SLC35A3: variants seen among roughly 807,000 people sequenced by gnomAD.
The protein encoded by SLC35A3 is UDP-N-acetylglucosamine transporter.
A neutral mutation model predicts 39.0 loss-of-function variants in SLC35A3; 26 were observed. The observed-to-expected ratio is 0.67, with a 90% CI of 0.49 to 0.92. The LOEUF (loss-of-function observed/expected upper bound fraction) is 0.92. SLC35A3 is among the 40% of genes least tolerant of loss of function. The pLI is 0.00. For missense variants in SLC35A3, 299 were observed against 371.6 expected, an observed-to-expected ratio of 0.80 and a Z score of 1.61; for synonymous variants, 135 against 133.1, an observed-to-expected ratio of 1.01 and a Z score of -0.10.
intron 5 of SLC35A3, 119 bp from the exon 6 acceptor site, chr1:100,015,179 AAAGT>A (rs1331272867): frequency 5.3e-5 from 47 of 884,078 alleles, no homozygotes; most frequent in Non-Finnish European, 5.8e-5. Context: ...AAAAAAAAAG[AAAGT>A]AATCTAATTT....
chr1:99,986,011 A>G (rs767987482), intron 1 of SLC35A3, among the ~76,000 whole-genome samples: 1 of 152,164 alleles, frequency 6.6e-6, no homozygotes, highest in Non-Finnish European at 1.5e-5. Flanking sequence ...TCATATTATC[A>G]GCAAACAGCC....
chr1:100,005,163 A>T (rs1056689833), intron 3 of SLC35A3, among the ~76,000 whole-genome samples: 2 of 152,022 alleles, frequency 1.3e-5, no homozygotes, highest in African/African-American at 4.8e-5. Context: ...CCTGGCCTAT[A>T]ATGTTTCTCT....
At chr1:100,021,022 G>C (rs1310089044) in intron 7 of SLC35A3, among the ~76,000 whole-genome samples, 1 of 152,114 alleles carries the variant, frequency 6.6e-6, no homozygotes, top group African/African-American at 2.4e-5. Flanking sequence ...CAGGAGCATG[G>C]CTTTGGACTA....
chr1:99,977,334 A>G (rs910793052), intron 1 of SLC35A3, among the ~76,000 whole-genome samples: 3 of 147,162 alleles, frequency 2.0e-5, no homozygotes, highest in Non-Finnish European at 3.0e-5. Context: ...CCTGACGAAC[A>G]TCGCGAAACT....
intron 1 of SLC35A3, among the ~76,000 whole-genome samples, chr1:99,972,246 A>G (rs1325467184): frequency 6.7e-5 from 10 of 150,100 alleles, no homozygotes; most frequent in Admixed American, 5.3e-4. Flanking sequence ...ATCTTACAAC[A>G]CTTGTTAAAT....
At chr1:99,994,209 A>G (rs1312749819) in intron 2 of SLC35A3, among the ~76,000 whole-genome samples, 1 of 152,136 alleles carries the variant, frequency 6.6e-6, no homozygotes, top group Non-Finnish European at 1.5e-5. Context: ...GTATATTTCA[A>G]TTATAATGTT....
intron 3 of SLC35A3, 88 bp downstream of exon 3, chr1:99,999,503 T>C (rs772105407): frequency 5.3e-6 from 4 of 755,706 alleles, no homozygotes; most frequent in Non-Finnish European, 8.3e-6. Context: ...ATGTGGTATT[T>C]TGATACATGC....
At chr1:99,990,850 A>C (rs1013199921) in intron 1 of SLC35A3, among the ~76,000 whole-genome samples, 48 of 152,146 alleles carry the variant, frequency 3.2e-4, no homozygotes, top group African/African-American at 1.1e-3. Flanking sequence ...GAATGAGATT[A>C]GTGCCTTTAT....
intron 5 of SLC35A3, among the ~76,000 whole-genome samples, chr1:100,013,803 A>AAG (rs1659856306): frequency 6.6e-6 from 1 of 152,108 alleles, no homozygotes; most frequent in Non-Finnish European, 1.5e-5. Flanking sequence ...TAGACATTAA[A>AAG]AGGATAGAGC....
chr1:100,011,126 T>C (rs989243177), intron 4 of SLC35A3, among the ~76,000 whole-genome samples: 2 of 152,174 alleles, frequency 1.3e-5, no homozygotes, highest in South Asian at 2.1e-4. Context: ...CTGTAATAGA[T>C]GAAATGTAAA....
intron 1 of SLC35A3, among the ~76,000 whole-genome samples, chr1:99,984,227 C>A (rs1056927640): frequency 1.3e-5 from 2 of 151,886 alleles, no homozygotes; most frequent in African/African-American, 4.8e-5. Flanking sequence ...TATTTAGAAG[C>A]CGGATAATTG....
At chr1:100,000,279 G>A (rs1358690475) in intron 3 of SLC35A3, among the ~76,000 whole-genome samples, 1 of 152,026 alleles carries the variant, frequency 6.6e-6, no homozygotes, top group Admixed American at 6.6e-5. Flanking sequence ...TATTCTAACG[G>A]GGCAGGATGA....
chr1:99,971,152 T>A (rs969158331), intron 1 of SLC35A3, among the ~76,000 whole-genome samples: 3 of 152,142 alleles, frequency 2.0e-5, no homozygotes, highest in Non-Finnish European at 4.4e-5. Context: ...TTTTGGTTAT[T>A]CCTTCCTCAG....
intron 3 of SLC35A3, among the ~76,000 whole-genome samples, chr1:100,003,712 A>G (rs1658995933): frequency 6.6e-6 from 1 of 152,108 alleles, no homozygotes; most frequent in South Asian, 2.1e-4. Flanking sequence ...CAAAACTGAG[A>G]GTGGGGTTGT....
intron 3 of SLC35A3, among the ~76,000 whole-genome samples, chr1:100,006,527 G>C (rs543240052): frequency 3.9e-5 from 6 of 152,262 alleles, no homozygotes; most frequent in Non-Finnish European, 7.4e-5. Context: ...ATGGGTGGGT[G>C]CCAGCAGTGG....
rs1315991839 is a variant in SLC35A3, at chr1:100,027,188, A to ATTCCTG, written c.*4714_*4719dup. 1 of 398,520 alleles carries ATTCCTG rather than the reference A, an allele frequency of 2.5e-6. No individual in the cohort carries two copies. The highest frequency in any genetic ancestry group is 3.6e-5 in the East Asian group (1 of 28,094). 24.7% of individuals were successfully genotyped at this position (398,520 alleles called of 1,614,324 possible). A position where few individuals can be genotyped will look rare whatever the true frequency, so the allele number is the denominator to read the frequency against. ...CTGGGTTGGCCAGGTGCAGTGGCTC[A>ATTCCTG]TTCCTGTAATCCCAACACTTTAGGA... On this transcript the variant is annotated 3_prime_UTR_variant, in exon 8 of 8. Transcript: ENST00000533028.
At chr1:99,973,956 A>C (rs572255479) in intron 1 of SLC35A3, among the ~76,000 whole-genome samples, 1 of 150,778 alleles carries the variant, frequency 6.6e-6, no homozygotes, top group South Asian at 2.1e-4. Flanking sequence ...CGGAGGTTGC[A>C]GTGAGCCAAA....
intron 2 of SLC35A3, among the ~76,000 whole-genome samples, chr1:99,997,836 A>G (rs986603551): frequency 2.6e-5 from 4 of 151,864 alleles, no homozygotes; most frequent in African/African-American, 9.7e-5. Flanking sequence ...TATCACCAGA[A>G]TGGGCTGCAG....
rs76059829 is a variant in SLC35A3, at chr1:100,033,291, CAA to C, written c.*10829_*10830del. 0.24 allele frequency: 21,480 copies of C among 88,102 alleles called. 2,000 individuals are homozygous for C. The highest frequency in any genetic ancestry group is 0.39 in the African/African-American group (11,283 of 28,938). 5.5% of individuals were successfully genotyped at this position (88,102 alleles called of 1,614,324 possible). Reference sequence around the variant, plus strand: ...GCAACAGAGTGAGATCCTGTCTCTACAAAAAAAAAAAAAAAGATAAATTTTTT... The same window carrying C: ...GCAACAGAGTGAGATCCTGTCTCTACAAAAAAAAAAAAAGATAAATTTTTT... On this transcript the variant is annotated 3_prime_UTR_variant, in exon 8 of 8. Coordinates refer to ENST00000533028, the MANE Select transcript of SLC35A3 (RefSeq NM_012243.3).
Sources: allele counts gnomAD v4.1 joint callset (sites outside exome capture counted in the v4.1 genomes callset), GRCh38; gene constraint gnomAD v4.1.1; transcripts MANE v1.5; gene names NCBI Gene and HGNC (gene_info 2026-07-23, HGNC 2026-07-21).